Variants in FAAP20 observed in about 807,000 individuals in gnomAD.
The protein encoded by FAAP20 is FA core complex associated protein 20, also known as Fanconi anemia core complex-associated protein 20.
A neutral mutation model predicts 16.2 loss-of-function variants in FAAP20; 12 were observed. That is an observed-to-expected ratio of 0.74 (90% CI 0.48 to 1.20). The LOEUF (loss-of-function observed/expected upper bound fraction) is 1.20, where lower values mean the gene tolerates loss of function less well. Ranked by LOEUF, FAAP20 falls within the 50% of genes most tolerant of loss-of-function variation. The pLI, the probability that FAAP20 is intolerant of heterozygous loss-of-function variation, is 0.00. For synonymous variants in FAAP20, 141 were observed against 110.7 expected, an observed-to-expected ratio of 1.27 and a Z score of -1.72; for missense variants, 288 against 245.8, an observed-to-expected ratio of 1.17 and a Z score of -1.15.
chr1:2,187,116 C>T (rs2100619564), downstream of FAAP20: 2 of 464,436 alleles, frequency 4.3e-6, no homozygotes, highest in Non-Finnish European at 8.9e-6. Flanking sequence ...GGGGCAACTG[C>T]CCATGGAGCC....
At chr1:2,194,375 G>A (rs1429587951) in intron 1 of FAAP20, among the ~76,000 whole-genome samples, 2 of 141,890 alleles carry the variant, frequency 1.4e-5, no homozygotes, top group Admixed American at 7.0e-5. Context: ...TCCTCAGCGG[G>A]ATGAGGCGAT....
chr1:2,197,945 A>T, upstream of FAAP20: 1 of 1,254,480 alleles, frequency 8.0e-7, no homozygotes, highest in Non-Finnish European at 1.0e-6. Flanking sequence ...GAGGGCCTGG[A>T]AGGGGACCGG....
upstream of FAAP20, among the ~76,000 whole-genome samples, chr1:2,196,519 A>G (rs377074116): frequency 2.0e-5 from 3 of 149,660 alleles, no homozygotes; most frequent in African/African-American, 7.5e-5. This position sits in a 1 kb window ranked among gnomAD's most constrained non-coding sequence, Gnocchi z 4.5. Context: ...AGATCGTGCC[A>G]CTGCACTCCA....
intron 3 of FAAP20, chr1:2,192,374 C>T (rs544642437): frequency 7.0e-6 from 7 of 994,876 alleles, no homozygotes; most frequent in African/African-American, 5.2e-5. Flanking sequence ...ACTTCATTGA[C>T]GCCTACTTAG....
At chr1:2,211,469 CAG>C (rs1476280180), downstream of FAAP20, among the ~76,000 whole-genome samples, 1 of 59,130 alleles carries the variant, frequency 1.7e-5, no homozygotes, top group African/African-American at 9.9e-5. Flanking sequence ...TTTTTTGAGA[CAG>C]AGTCTTGCTC....
At chr1:2,187,466 G>C (rs919352302), downstream of FAAP20, among the ~76,000 whole-genome samples, 4 of 152,072 alleles carry the variant, frequency 2.6e-5, no homozygotes, top group South Asian at 8.3e-4. Context: ...CCCACGCCCG[G>C]CTAATTTTTG....
intron 3 of FAAP20, among the ~76,000 whole-genome samples, chr1:2,205,517 G>A (rs548788648): frequency 6.6e-6 from 1 of 152,106 alleles, no homozygotes; most frequent in Admixed American, 6.5e-5. Flanking sequence ...CGCGCTTCCG[G>A]GGCGGCCGTG....
At chr1:2,200,949 G>T (rs1224176759), upstream of FAAP20, 4 of 1,203,436 alleles carry the variant, frequency 3.3e-6, no homozygotes, top group Admixed American at 8.0e-5. Flanking sequence ...TTTGTCCCCA[G>T]TTCAGCACGT....
At chr1:2,198,757 C>T (rs1226675902), upstream of FAAP20, 11 of 1,287,172 alleles carry the variant, frequency 8.5e-6, no homozygotes, top group Non-Finnish European at 1.1e-5. Flanking sequence ...TGCTCACCTG[C>T]TGGCAAGGAC....
downstream of FAAP20, chr1:2,185,242 C>T (rs1290204844): frequency 1.4e-5 from 10 of 710,760 alleles, no homozygotes; most frequent in Non-Finnish European, 2.4e-5. Context: ...GTGCCTGCGT[C>T]GCGGCGGATC....
downstream of FAAP20, among the ~76,000 whole-genome samples, chr1:2,208,181 G>A (rs966408637): frequency 6.6e-6 from 1 of 151,974 alleles, no homozygotes; most frequent in African/African-American, 2.4e-5. Flanking sequence ...TGGGCACAAC[G>A]GGCACCTGGC....
At chr1:2,186,297 G>A (rs1050922315), downstream of FAAP20, 8 of 243,288 alleles carry the variant, frequency 3.3e-5, no homozygotes, top group African/African-American at 1.2e-4. Flanking sequence ...TCTGTGCCGC[G>A]CCTTGCCTTG....
rs1233747163 is a variant in FAAP20, at chr1:2,193,931, G to A, written c.199-21C>T. ...GGCTCCTGCAACACAGAGTTGTTGGGCCTTGCCCAGCGATGGCTCCCGCCC... is the reference window on the plus strand; with the variant it reads ...GGCTCCTGCAACACAGAGTTGTTGGACCTTGCCCAGCGATGGCTCCCGCCC... On this transcript the variant is annotated intron_variant, in intron 2 of 3. Transcript: ENST00000378546. 4 of 1,612,200 alleles carry A rather than the reference G, an allele frequency of 2.5e-6. No individual in the cohort carries two copies. In the Admixed American group the frequency reaches 5.0e-5, roughly 20 times the overall value.
chr1:2,195,435 C>T (rs992589957), upstream of FAAP20, among the ~76,000 whole-genome samples: 11 of 152,244 alleles, frequency 7.2e-5, no homozygotes, highest in African/African-American at 2.7e-4. Flanking sequence ...CCACTTGCCT[C>T]TCCCTTGGCC....
At chr1:2,197,923 T>C, upstream of FAAP20, 1 of 1,227,374 alleles carries the variant, frequency 8.1e-7, no homozygotes, top group Non-Finnish European at 1.1e-6. Flanking sequence ...TCCCGACAGC[T>C]GCCTGCCAGC....
chr1:2,194,852 C>A, upstream of FAAP20: 3 of 1,029,836 alleles, frequency 2.9e-6, no homozygotes, highest in Non-Finnish European at 3.5e-6. Flanking sequence ...CGAGGCCGCC[C>A]CCCTCCGAGA....
downstream of FAAP20, among the ~76,000 whole-genome samples, chr1:2,188,980 G>C (rs1345338050): frequency 6.7e-6 from 1 of 149,816 alleles, no homozygotes; most frequent in Non-Finnish European, 1.5e-5. Flanking sequence ...ACTCCAGCCT[G>C]GGCGACAGAG....
intron 1 of FAAP20, 132 bp from the exon 2 acceptor site, chr1:2,194,265 G>A: frequency 7.7e-7 from 1 of 1,299,680 alleles, no homozygotes; most frequent in Non-Finnish European, 1.0e-6. Context: ...TGGTGCGGGA[G>A]GTGGCCGGCA....
At chr1:2,210,000 C>T (rs956229429), downstream of FAAP20, among the ~76,000 whole-genome samples, 9 of 152,196 alleles carry the variant, frequency 5.9e-5, no homozygotes, top group Non-Finnish European at 1.2e-4. Flanking sequence ...GAGGCCTCTT[C>T]CCAGCACCTC....
Sources: allele counts gnomAD v4.1 joint callset (sites outside exome capture counted in the v4.1 genomes callset), GRCh38; gene constraint gnomAD v4.1.1; non-coding constraint Gnocchi (gnomAD v3.1); transcripts MANE v1.5; gene names NCBI Gene and HGNC (gene_info 2026-07-23, HGNC 2026-07-21).